MKLN1: variants seen among roughly 807,000 people sequenced by gnomAD.
MKLN1 encodes muskelin 1.
In MKLN1, 18 loss-of-function variants were observed where a neutral mutation model predicts 99.0. That is an observed-to-expected ratio of 0.18 (90% CI 0.13 to 0.27). MKLN1 has a LOEUF of 0.27. MKLN1 is among the 10% of genes least tolerant of loss of function. MKLN1 has a pLI of 1.00. For synonymous variants in MKLN1, 288 were observed against 293.2 expected, an observed-to-expected ratio of 0.98 and a Z score of 0.18; for missense variants, 621 against 875.9, an observed-to-expected ratio of 0.71 and a Z score of 3.67.
At chr7:131,311,494 A>G (rs1014933370) in intron 3 of MKLN1, among the ~76,000 whole-genome samples, 5 of 152,182 alleles carry the variant, frequency 3.3e-5, no homozygotes, top group Non-Finnish European at 7.3e-5. Flanking sequence ...GTTAAACACC[A>G]TTATTTCTTT....
chr7:131,426,305 A>G (rs1795355001), intron 8 of MKLN1, among the ~76,000 whole-genome samples: 1 of 152,210 alleles, frequency 6.6e-6, no homozygotes, highest in African/African-American at 2.4e-5. Context: ...GGGTGCCCAG[A>G]AACACTATAA....
At chr7:131,465,652 C>G (rs1244668155) in intron 14 of MKLN1, among the ~76,000 whole-genome samples, 3 of 152,094 alleles carry the variant, frequency 2.0e-5, no homozygotes, top group Non-Finnish European at 4.4e-5. Context: ...CATTCTCCTG[C>G]CTCAGCCTCC....
At chr7:131,458,852 A>C (rs1036932675) in intron 12 of MKLN1, among the ~76,000 whole-genome samples, 1 of 152,124 alleles carries the variant, frequency 6.6e-6, no homozygotes, top group African/African-American at 2.4e-5. Context: ...TTGTTATTCC[A>C]TTGTATTCTA....
rs1797686205 is a variant in MKLN1 at position 131,258,299 on chromosome 7, A to G, written c.-179+55325A>G. Among the ~76,000 whole-genome samples the G allele has an allele frequency of 3.6e-5, 4 of 110,760 alleles. No individual in the cohort carries two copies. In the South Asian group the frequency reaches 1.0e-3, roughly 29 times the overall value. The allele number at this position is 110,760 out of a possible 152,430, so 72.7% of individuals were successfully genotyped here. ...AGAATTGGAAAGAGTGGGTAGAGAA[A>G]AGAGTAGATGTTTCTCTCCTGAGAT... On this transcript the variant is annotated intron_variant, in intron 3 of 7. Coordinates refer to the MKLN1 transcript ENST00000416992.
intron 2 of MKLN1, among the ~76,000 whole-genome samples, chr7:131,147,907 T>A (rs1410924162): frequency 6.6e-6 from 1 of 152,212 alleles, no homozygotes; most frequent in Non-Finnish European, 1.5e-5. Flanking sequence ...AGTTCCTGCA[T>A]CTGTGGTATG....
At chr7:131,465,339 T>C (rs988280786) in intron 14 of MKLN1, among the ~76,000 whole-genome samples, 2 of 152,174 alleles carry the variant, frequency 1.3e-5, no homozygotes, top group African/African-American at 4.8e-5. Context: ...CTTACGAAAG[T>C]GATTGCGTTT....
At chr7:131,355,925 A>T (rs1379582563) in intron 1 of MKLN1, among the ~76,000 whole-genome samples, 1 of 151,494 alleles carries the variant, frequency 6.6e-6, no homozygotes, top group East Asian at 1.9e-4. Flanking sequence ...ATCTACAAAC[A>T]CTCTAATTTG....
chr7:131,160,654 G>A (rs1395332745), intron 2 of MKLN1, among the ~76,000 whole-genome samples: 1 of 149,444 alleles, frequency 6.7e-6, no homozygotes, highest in East Asian at 2.0e-4. Flanking sequence ...GAGTAGCTGG[G>A]ACTATAGGCA....
chr7:131,286,339 T>C (rs928021315), intron 3 of MKLN1, among the ~76,000 whole-genome samples: 4 of 152,238 alleles, frequency 2.6e-5, no homozygotes, highest in Non-Finnish European at 5.9e-5. Flanking sequence ...TCAGCTCTTA[T>C]ATTTTCTTAA....
At chr7:131,344,827 G>A (rs1370905854) in intron 1 of MKLN1, among the ~76,000 whole-genome samples, 2 of 152,024 alleles carry the variant, frequency 1.3e-5, no homozygotes, top group African/African-American at 4.8e-5. Context: ...TTTTGAGCTG[G>A]ATCTTGCTCT....
At position 131,192,143 on chromosome 7, in the gene MKLN1, ACGT is replaced by A. The variant is rs1354364203; in HGVS notation, c.-296-10713_-296-10711del. 3.2e-3 allele frequency among the ~76,000 whole-genome samples: 236 copies of A among 73,920 alleles called. 20 individuals carry two copies. The highest frequency in any genetic ancestry group is 4.8e-3 in the African/African-American group (86 of 17,838). The allele number at this position is 73,920 out of a possible 152,430, so 48.5% of individuals were successfully genotyped here. ...TACGTATATATATAAAAATATATATACGTATATATACATATATACTTATGTATA... is the reference window on the plus strand; with the variant it reads ...TACGTATATATATAAAAATATATATAATATATACATATATACTTATGTATA... On this transcript the variant is annotated intron_variant, in intron 2 of 7. Coordinates refer to the MKLN1 transcript ENST00000416992.
chr7:131,154,421 G>C (rs893062275), intron 2 of MKLN1, among the ~76,000 whole-genome samples: 1 of 152,208 alleles, frequency 6.6e-6, no homozygotes, highest in African/African-American at 2.4e-5. Flanking sequence ...TGCTGTCCTT[G>C]AGAAGCAGGA....
At chr7:131,354,472 C>G (rs1015540032) in intron 1 of MKLN1, among the ~76,000 whole-genome samples, 1 of 149,692 alleles carries the variant, frequency 6.7e-6, no homozygotes, top group South Asian at 2.1e-4. Context: ...ATCTTATATC[C>G]TGCAACGTTG....
intron 3 of MKLN1, among the ~76,000 whole-genome samples, chr7:131,282,281 G>A (rs1377812355): frequency 4.0e-5 from 6 of 151,210 alleles, no homozygotes; most frequent in East Asian, 3.9e-4. Flanking sequence ...CCCGGGAGGC[G>A]GAGGTTGTGG....
intron 12 of MKLN1, among the ~76,000 whole-genome samples, chr7:131,457,257 A>G (rs1241450120): frequency 2.0e-5 from 3 of 152,066 alleles, no homozygotes; most frequent in Non-Finnish European, 4.4e-5. Context: ...AGCCTGGGCA[A>G]CAAGAGCGAA....
At chr7:131,313,408 A>T (rs934618416) in intron 3 of MKLN1, among the ~76,000 whole-genome samples, 1 of 152,110 alleles carries the variant, frequency 6.6e-6, no homozygotes, top group African/African-American at 2.4e-5. Context: ...GGTAAGAAAA[A>T]CAAAACAAAA....
chr7:131,178,279 C>CTT lies in MKLN1; in HGVS notation c.-296-24550_-296-24549dup, dbSNP rs35412933. 3.8e-3 allele frequency among the ~76,000 whole-genome samples: 274 copies of CTT among 72,510 alleles called. 20 individuals carry two copies. The highest frequency in any genetic ancestry group is 5.8e-3 in the Non-Finnish European group (210 of 36,010). The allele number at this position is 72,510 out of a possible 152,430, so 47.6% of individuals were successfully genotyped here. A position where few individuals can be genotyped will look rare whatever the true frequency, so the allele number is the denominator to read the frequency against. On this transcript the variant is annotated intron_variant, in intron 2 of 7. Transcript: ENST00000416992. ...TTACAGGCGCCTGCCACATGCCCGG[C>CTT]TTTTTTTTTTTTTTTTTTTTTTTTT...
At chr7:131,450,567 GTCTTGGTGTCTGTACTC>G (rs1289628609) in intron 12 of MKLN1, among the ~76,000 whole-genome samples, 3 of 151,988 alleles carry the variant, frequency 2.0e-5, no homozygotes, top group Non-Finnish European at 4.4e-5. Flanking sequence ...TCCAGTCCTA[GTCTTGGTGTCTGTACTC>G]TTCTTGCCAC....
At chr7:131,392,538 G>C (rs1794224403) in intron 4 of MKLN1, among the ~76,000 whole-genome samples, 2 of 151,736 alleles carry the variant, frequency 1.3e-5, no homozygotes, top group African/African-American at 4.8e-5. Context: ...TAAATCTGTA[G>C]TAGAATAGTA....
Sources: allele counts gnomAD v4.1 joint callset (sites outside exome capture counted in the v4.1 genomes callset), GRCh38; gene constraint gnomAD v4.1.1; transcripts MANE v1.5; gene names NCBI Gene and HGNC (gene_info 2026-07-23, HGNC 2026-07-21).